RIOK1: variants seen among roughly 807,000 people sequenced by gnomAD.
RIOK1 encodes RIO kinase 1, also known as serine/threonine-protein kinase RIO1.
Under a neutral mutation model 73.5 loss-of-function variants are expected in RIOK1, and 66 were observed. The ratio of observed to expected loss-of-function variants is 0.90; its 90% CI spans 0.74 to 1.10. RIOK1 has a LOEUF of 1.10. Among genes scored for constraint, RIOK1 ranks in the 50% least tolerant of loss-of-function variants. The probability of loss-of-function intolerance (pLI) is 0.00; values close to 1 mark genes in which losing one functional copy is unlikely to be tolerated. For synonymous variants in RIOK1, 224 were observed against 226.8 expected, an observed-to-expected ratio of 0.99 and a Z score of 0.11; for missense variants, 658 against 699.8, an observed-to-expected ratio of 0.94 and a Z score of 0.67.
chr6:7,395,631 A>G (rs970576051), intron 3 of RIOK1, among the ~76,000 whole-genome samples: 3 of 152,042 alleles, frequency 2.0e-5, no homozygotes, highest in Admixed American at 6.5e-5. Flanking sequence ...ACTTAAGCTT[A>G]TGCTATTTTG....
intron 5 of RIOK1, among the ~76,000 whole-genome samples, chr6:7,399,213 A>G (rs1581713826): frequency 6.6e-6 from 1 of 152,282 alleles, no homozygotes; most frequent in African/African-American, 2.4e-5. Context: ...TAATTTTCCC[A>G]CATTCCGAAG....
rs541972678 is a variant in RIOK1 at position 7,403,365 on chromosome 6, G to T, written c.767+468G>T. Among the ~76,000 whole-genome samples, 3 of 152,104 alleles carry T rather than the reference G, an allele frequency of 2.0e-5. No homozygotes were observed. The East Asian group carries it at 5.8e-4, about 29-fold the overall frequency. On this transcript the variant is annotated intron_variant, in intron 8 of 16. Transcript: ENST00000379834. ...AGTTTCCTTTTCTTAGTCCAGTTTT[G>T]GACACTTTTTTTATATTCTTTGTTT...
chr6:7,391,571 T>C (rs1761341627), intron 1 of RIOK1, among the ~76,000 whole-genome samples: 1 of 152,216 alleles, frequency 6.6e-6, no homozygotes, highest in Non-Finnish European at 1.5e-5. Context: ...GAGAGGGCAC[T>C]AATTTACCAT....
chr6:7,406,289 G>A (rs775495158), intron 12 of RIOK1, among the ~76,000 whole-genome samples: 3 of 152,034 alleles, frequency 2.0e-5, no homozygotes, highest in Non-Finnish European at 2.9e-5. Flanking sequence ...GAGCCACGAC[G>A]CCCGGCCTCA....
At position 7,400,992 on chromosome 6, in the gene RIOK1, A is replaced by G. The variant is rs1045474479; in HGVS notation, c.515A>G (p.Lys172Arg). The change falls in exon 6 of 17, where the codon AAG becomes AGG. Residue 172 changes from lysine (K) to arginine (R), a missense_variant. Coordinates refer to ENST00000379834, the MANE Select transcript of RIOK1 (RefSeq NM_031480.3). Reference protein sequence around the residue: ...LDPRTRMILFKMLTRGIITEI... With the variant: ...LDPRTRMILFRMLTRGIITEI... ...CCCAGAACAAGAATGATTTTATTCA[A>G]GATGTTGACTAGAGGAATCATAACA... 6.2e-7 allele frequency: 1 copy of G among 1,611,792 alleles called. No individual in the cohort carries two copies. The highest frequency in any genetic ancestry group is 8.5e-7 in the Non-Finnish European group (1 of 1,178,690).
At chr6:7,397,100 C>CA (rs1761494699) in intron 4 of RIOK1, among the ~76,000 whole-genome samples, 1 of 151,928 alleles carries the variant, frequency 6.6e-6, no homozygotes, top group Non-Finnish European at 1.5e-5. Flanking sequence ...CATGTCTGTA[C>CA]AAAAAATACA....
At chr6:7,414,968 C>T (rs1018029614) in intron 16 of RIOK1, among the ~76,000 whole-genome samples, 10 of 152,168 alleles carry the variant, frequency 6.6e-5, no homozygotes, top group African/African-American at 2.2e-4. Flanking sequence ...ACTCCCCACC[C>T]GTTAGTCACT....
intron 12 of RIOK1, among the ~76,000 whole-genome samples, chr6:7,407,927 T>C (rs1322977329): frequency 6.6e-6 from 1 of 152,268 alleles, no homozygotes; most frequent in Non-Finnish European, 1.5e-5. Context: ...ATTGCAAGCT[T>C]TGATGCACAG....
chr6:7,411,826 A>G (rs945272752), intron 14 of RIOK1, among the ~76,000 whole-genome samples: 10 of 152,250 alleles, frequency 6.6e-5, no homozygotes, highest in African/African-American at 2.4e-4. Context: ...TTTGCAAGCC[A>G]AGAAACAAAA....
At chr6:7,409,659 C>T (rs755308400) in intron 12 of RIOK1, among the ~76,000 whole-genome samples, 31 of 151,818 alleles carry the variant, frequency 2.0e-4, no homozygotes, top group Non-Finnish European at 4.3e-4. Flanking sequence ...TTAGTAGAGA[C>T]GGAGTTTCCC....
chr6:7,411,269 A>G (rs1424154555), intron 13 of RIOK1, 63 bp from the exon 14 acceptor site: 2 of 1,566,104 alleles, frequency 1.3e-6, no homozygotes, highest in Non-Finnish European at 8.8e-7. Context: ...ATGGAGGAGT[A>G]TGCTGTGTGA....
intron 5 of RIOK1, among the ~76,000 whole-genome samples, chr6:7,399,758 C>G (rs1761567850): frequency 1.3e-5 from 2 of 152,336 alleles, no homozygotes; most frequent in East Asian, 3.9e-4. Context: ...CTGACTTCCC[C>G]TCTTTGCTTA....
intron 4 of RIOK1, among the ~76,000 whole-genome samples, chr6:7,397,969 GTC>G (rs1761515461): frequency 2.6e-5 from 4 of 152,130 alleles, no homozygotes; most frequent in Admixed American, 6.6e-5. Context: ...GTGAAATCCT[GTC>G]TCTACTAAAA....
At position 7,390,074 on chromosome 6, in the gene RIOK1, G is replaced by T; in HGVS notation, c.71+1G>T. 1 of 1,557,014 alleles carries T rather than the reference G, an allele frequency of 6.4e-7. No individual in the cohort carries two copies. The highest frequency in any genetic ancestry group is 8.7e-7 in the Non-Finnish European group (1 of 1,150,328). On this transcript the variant is annotated splice_donor_variant, in intron 1 of 16. Transcript: ENST00000379834. LOFTEE classifies it high-confidence loss of function. The stretch of plus-strand genomic sequence containing the variant: ...TCGACGACGCGGACTCCTCTGACAG[G>T]TAGGCGGCCGTACAGTGCCCTGGCT...
At chr6:7,392,462 T>C (rs796526485) in intron 1 of RIOK1, among the ~76,000 whole-genome samples, 5 of 152,202 alleles carry the variant, frequency 3.3e-5, no homozygotes, top group African/African-American at 9.6e-5. Context: ...CAAAGTGTTA[T>C]CGAGTTCAAA....
In RIOK1 at chr6:7,389,878, G is replaced by A. The variant is rs778457104; in HGVS notation, c.-125G>A. 1.4e-6 allele frequency: 1 copy of A among 696,602 alleles called. No individual in the cohort carries two copies. Among genetic ancestry groups the A allele is most frequent in the Non-Finnish European group, 2.4e-6 (1 of 415,734 alleles). The allele number at this position is 696,602 out of a possible 1,614,324, so 43.2% of individuals were successfully genotyped here. A position where few individuals can be genotyped will look rare whatever the true frequency, so the allele number is the denominator to read the frequency against. Reference sequence around the variant, plus strand: ...TTTCCCGTCGCACGTGGTGGCCACTGTTGGCTTCTGAATGGTTTGCAAGGC... The same window carrying A: ...TTTCCCGTCGCACGTGGTGGCCACTATTGGCTTCTGAATGGTTTGCAAGGC... On this transcript the variant is annotated 5_prime_UTR_variant, in exon 1 of 17. Coordinates refer to ENST00000379834, the MANE Select transcript of RIOK1 (RefSeq NM_031480.3).
chr6:7,391,688 G>A (rs4959432), intron 1 of RIOK1, among the ~76,000 whole-genome samples: 133,448 of 152,154 alleles, frequency 0.88, 59,140 homozygotes, highest in South Asian at 0.96. Flanking sequence ...AGACGTTTTT[G>A]TATGTCACAG....
chr6:7,405,881 T>C (rs1443178839), intron 12 of RIOK1, among the ~76,000 whole-genome samples: 1 of 151,680 alleles, frequency 6.6e-6, no homozygotes, highest in African/African-American at 2.4e-5. Flanking sequence ...CTGTCAAAGT[T>C]TGTGAAAGTT....
intron 9 of RIOK1, 113 bp downstream of exon 9, chr6:7,404,140 CT>C: frequency 1.2e-6 from 1 of 828,368 alleles, no homozygotes; most frequent in Non-Finnish European, 2.0e-6. Flanking sequence ...ATCTTTCCCA[CT>C]ATATTAGTGA....
Sources: allele counts gnomAD v4.1 joint callset (sites outside exome capture counted in the v4.1 genomes callset), GRCh38; gene constraint gnomAD v4.1.1; transcripts MANE v1.5; gene names NCBI Gene and HGNC (gene_info 2026-07-23, HGNC 2026-07-21).